The following KAZN variants were observed in gnomAD, a reference collection of about 807,000 sequenced individuals.
The protein encoded by KAZN is kazrin, periplakin interacting protein.
A neutral mutation model predicts 87.4 loss-of-function variants in KAZN; 40 were observed. The ratio of observed to expected loss-of-function variants is 0.46; its 90% CI spans 0.36 to 0.60. The LOEUF is 0.60. Among genes scored for constraint, KAZN ranks in the 20% least tolerant of loss-of-function variants. KAZN has a pLI of 0.00. For missense variants in KAZN, 898 were observed against 1,073.9 expected (o/e 0.84, Z 2.29); for synonymous variants, 466 against 458.3 (o/e 1.02, Z -0.22).
chr1:14,764,215 G>A (rs925915397), intron 1 of KAZN, among the ~76,000 whole-genome samples: 1 of 152,060 alleles, frequency 6.6e-6, no homozygotes, highest in Non-Finnish European at 1.5e-5. Flanking sequence ...GGGACCTCAG[G>A]CCTTTGCATG....
At chr1:13,900,946 G>C (rs914985665) in intron 1 of KAZN, among the ~76,000 whole-genome samples, 2 of 151,654 alleles carry the variant, frequency 1.3e-5, no homozygotes, top group Non-Finnish European at 2.9e-5. Flanking sequence ...TGTTTAATGA[G>C]AGGAAGTTTA....
chr1:14,390,464 T>C (rs1662323328), intron 2 of KAZN, among the ~76,000 whole-genome samples: 1 of 152,150 alleles, frequency 6.6e-6, no homozygotes, highest in African/African-American at 2.4e-5. Context: ...GGAATAAAGA[T>C]CTGAAGGAAG....
chr1:13,900,305 A>G (rs544380830), intron 1 of KAZN, among the ~76,000 whole-genome samples: 1 of 152,028 alleles, frequency 6.6e-6, no homozygotes, highest in Non-Finnish European at 1.5e-5. Flanking sequence ...GGGAGTCAGG[A>G]TTTCATTCCT....
At chr1:14,809,114 A>G (rs1646322521) in intron 1 of KAZN, among the ~76,000 whole-genome samples, 1 of 152,222 alleles carries the variant, frequency 6.6e-6, no homozygotes, top group African/African-American at 2.4e-5. Context: ...CCCCAGGTCT[A>G]TTCCTAGAAA....
chr1:14,265,299 T>C (rs559855764), intron 2 of KAZN, among the ~76,000 whole-genome samples: 21 of 152,346 alleles, frequency 1.4e-4, no homozygotes, highest in African/African-American at 4.6e-4. Context: ...TTTGGAGCTC[T>C]GGGCATTGGT....
At chr1:15,000,358 A>G (rs1242349336) in intron 2 of KAZN, among the ~76,000 whole-genome samples, 2 of 151,884 alleles carry the variant, frequency 1.3e-5, no homozygotes, top group Non-Finnish European at 2.9e-5. Context: ...TGGACTTCTG[A>G]TCCTTAAAAC....
chr1:14,155,421 T>C (rs1645571514), intron 1 of KAZN, among the ~76,000 whole-genome samples: 1 of 150,134 alleles, frequency 6.7e-6, no homozygotes, highest in Non-Finnish European at 1.5e-5. Context: ...TCTTCTCTCT[T>C]TTTTTTCTTA....
At chr1:14,924,471 G>A in intron 1 of KAZN, 2 of 992,268 alleles carry the variant, frequency 2.0e-6, no homozygotes, top group Middle Eastern at 5.1e-4. Flanking sequence ...CGGCCCCCGG[G>A]ACCCGCAGCC....
chr1:14,095,897 C>T (rs1008264498), intron 1 of KAZN, among the ~76,000 whole-genome samples: 6 of 151,998 alleles, frequency 3.9e-5, no homozygotes, highest in Admixed American at 1.3e-4. Context: ...ACATAGACTC[C>T]GTCCTGTAAT....
chr1:14,006,366 G>T (rs932633016), intron 1 of KAZN, among the ~76,000 whole-genome samples: 20 of 152,324 alleles, frequency 1.3e-4, no homozygotes, highest in African/African-American at 4.8e-4. Context: ...CATGGCAGAT[G>T]ACAAGGAAGG....
intron 2 of KAZN, among the ~76,000 whole-genome samples, chr1:14,419,900 C>G (rs1336423244): frequency 3.9e-5 from 6 of 152,122 alleles, no homozygotes; most frequent in Admixed American, 3.9e-4. Flanking sequence ...AAAGAGCGAG[C>G]AACAATGGGA....
chr1:14,078,358 T>G (rs897205449), intron 1 of KAZN, among the ~76,000 whole-genome samples: 3 of 152,246 alleles, frequency 2.0e-5, no homozygotes, highest in Admixed American at 1.3e-4. Context: ...AGGCATTTAA[T>G]AAGTATTTTG....
intron 1 of KAZN, among the ~76,000 whole-genome samples, chr1:14,875,882 G>A (rs1379430712): frequency 6.6e-6 from 1 of 152,216 alleles, no homozygotes; most frequent in Non-Finnish European, 1.5e-5. Flanking sequence ...TTTCCTGGAA[G>A]GGGGTAGATT....
At chr1:14,861,492 A>AAGGATCC (rs1427402403) in intron 1 of KAZN, among the ~76,000 whole-genome samples, 2 of 152,350 alleles carry the variant, frequency 1.3e-5, no homozygotes, top group East Asian at 3.9e-4. Flanking sequence ...GAATGCACTA[A>AAGGATCC]AGGATCCTGT....
At chr1:14,023,797 T>G (rs1213355413) in intron 1 of KAZN, among the ~76,000 whole-genome samples, 1 of 152,182 alleles carries the variant, frequency 6.6e-6, no homozygotes, top group Non-Finnish European at 1.5e-5. Flanking sequence ...GTTCCGGCTC[T>G]GCTGATCTGC....
intron 2 of KAZN, among the ~76,000 whole-genome samples, chr1:14,338,918 G>A (rs779838398): frequency 3.3e-5 from 5 of 152,224 alleles, no homozygotes; most frequent in Admixed American, 6.5e-5. Context: ...CCACATAGGA[G>A]AGCCATGATG....
rs115873316 is a variant in KAZN at position 14,402,470 on chromosome 1, A to G, written c.250-196513A>G. Among the ~76,000 whole-genome samples the G allele has an allele frequency of 9.4e-3, 1,427 of 152,264 alleles. 19 individuals carry two copies. The highest frequency in any genetic ancestry group is 0.032 in the African/African-American group (1,345 of 41,558). ...ACAAAATTATAAAGTGTTATTAAAG[A>G]GCATAAAGGACTCAAGCAAATAGGA... On this transcript the variant is annotated intron_variant, in intron 2 of 16. Transcript: ENST00000636203.
chr1:14,385,673 A>C (rs536223844), intron 2 of KAZN, among the ~76,000 whole-genome samples: 17 of 152,026 alleles, frequency 1.1e-4, no homozygotes, highest in African/African-American at 4.1e-4. Context: ...CTGTGGTCTG[A>C]GAGATAGTTT....
rs1641898266 is a variant in KAZN at position 15,117,931 on chromosome 1, G to A, written c.*3296G>A. 1 of 152,262 alleles carries A rather than the reference G, an allele frequency of 6.6e-6. No homozygotes were observed. Among genetic ancestry groups the A allele is most frequent in the Non-Finnish European group, 1.5e-5 (1 of 68,046 alleles). 9.4% of individuals were successfully genotyped at this position (152,262 alleles called of 1,614,324 possible). A position where few individuals can be genotyped will look rare whatever the true frequency, so the allele number is the denominator to read the frequency against. ...TGACACACAAAGGCATTTTGTGGCTGCAGAGGAAATGGGTTGGCTCTGAAC... is the reference window on the plus strand; with the variant it reads ...TGACACACAAAGGCATTTTGTGGCTACAGAGGAAATGGGTTGGCTCTGAAC... On this transcript the variant is annotated 3_prime_UTR_variant, in exon 15 of 15. Coordinates refer to ENST00000376030, the MANE Select transcript of KAZN (RefSeq NM_201628.3).
Sources: gnomAD v4.1 joint callset for allele counts (sites outside exome capture counted in the v4.1 genomes callset) on GRCh38, gnomAD v4.1.1 for gene constraint, MANE v1.5 for transcripts, NCBI Gene and HGNC (gene_info 2026-07-23, HGNC 2026-07-21) for gene names.